The following RHBDF2 variants were observed in gnomAD, a reference collection of about 807,000 sequenced individuals.
RHBDF2 encodes rhomboid 5 homolog 2.
A neutral mutation model predicts 95.2 loss-of-function variants in RHBDF2; 38 were observed. The observed-to-expected ratio is 0.40, with a 90% CI of 0.31 to 0.52. The LOEUF (loss-of-function observed/expected upper bound fraction) is 0.52. Ranked by LOEUF, RHBDF2 falls within the 20% of genes least tolerant of loss-of-function variation. RHBDF2 has a pLI of 0.56. For synonymous variants in RHBDF2, 442 were observed against 462.0 expected, an observed-to-expected ratio of 0.96 and a Z score of 0.55; for missense variants, 863 against 1,137.7, an observed-to-expected ratio of 0.76 and a Z score of 3.47.
chr17:76,471,629 G>A lies in RHBDF2; in HGVS notation c.*4C>T. On this transcript the variant is annotated 3_prime_UTR_variant, in exon 19 of 19. Transcript: ENST00000675367. ...GGCTGAGGGGCAGCCGTGTGGCCCA[G>A]CGGTCAGTGCAGCACCTGGTCCAGC... The A allele has an allele frequency of 6.3e-7, 1 of 1,581,452 alleles. No homozygotes were observed.
chr17:76,472,604 T>C (rs747688591), intron 18 of RHBDF2, 82 bp downstream of exon 18: 90 of 1,573,780 alleles, frequency 5.7e-5, no homozygotes, highest in South Asian at 1.8e-4. Flanking sequence ...CGTGTCCCTC[T>C]GGCAGATCCC....
intron 12 of RHBDF2, 93 bp from the exon 13 acceptor site, chr17:76,474,235 G>A: frequency 7.5e-7 from 1 of 1,338,532 alleles, no homozygotes; most frequent in Non-Finnish European, 1.0e-6. Context: ...TCTCCCCAGG[G>A]CTCAGTCTCA....
At chr17:76,496,543 T>C (rs548522715) in intron 1 of RHBDF2, among the ~76,000 whole-genome samples, 1 of 152,286 alleles carries the variant, frequency 6.6e-6, no homozygotes, top group African/African-American at 2.4e-5. Context: ...CTTTGATTCA[T>C]GAAGAAGGGA....
At chr17:76,489,558 C>T (rs531350228) in intron 1 of RHBDF2, among the ~76,000 whole-genome samples, 39 of 152,286 alleles carry the variant, frequency 2.6e-4, no homozygotes, top group African/African-American at 8.4e-4. Flanking sequence ...CCCCTGACCT[C>T]GTGATCCGCC....
In RHBDF2 at chr17:76,501,392, G is replaced by T. The variant is rs368582467; in HGVS notation, c.-259C>A. 2.6e-5 allele frequency: 4 copies of T among 152,404 alleles called. No homozygotes were observed. Among genetic ancestry groups the T allele is most frequent in the South Asian group, 4.0e-4 (2 of 4,960 alleles). The allele number at this position is 152,404 out of a possible 1,614,324, so 9.4% of individuals were successfully genotyped here. A position where few individuals can be genotyped will look rare whatever the true frequency, so the allele number is the denominator to read the frequency against. On this transcript the variant is annotated 5_prime_UTR_variant, in exon 1 of 19. Transcript: ENST00000675367. The stretch of plus-strand genomic sequence containing the variant: ...AAGTCCCCGGGACGCAACTCCGTGC[G>T]GCGCCTGCGAGCGGCTGGGCGGTGG...
chr17:76,477,331 G>A lies in RHBDF2; in HGVS notation c.802-33C>T, dbSNP rs761692898. ...GGGGGACAAGAAAATACAGTGTAAG[G>A]AGTCTGTCCCAAACACTGCCCCCCG... On this transcript the variant is annotated intron_variant, in intron 7 of 18. Coordinates refer to ENST00000675367, the MANE Select transcript of RHBDF2 (RefSeq NM_001005498.4). 5.0e-6 allele frequency: 8 copies of A among 1,604,386 alleles called. No homozygotes were observed. The East Asian group carries it at 1.6e-4, about 31-fold the overall frequency.
chr17:76,474,027 C>T lies in RHBDF2; in HGVS notation c.1574+6G>A. 2 of 1,609,046 alleles carry T rather than the reference C, an allele frequency of 1.2e-6. No individual in the cohort carries two copies. The highest frequency in any genetic ancestry group is 1.7e-6 in the Non-Finnish European group (2 of 1,176,034). ...CCTGAGGCCCAGCAGAGGCTCCAGG[C>T]CCTACCTGGGGTCCTGGTGGCAGAC... On this transcript the variant is annotated splice_donor_region_variant and intron_variant, in intron 13 of 18. Coordinates refer to ENST00000675367, the MANE Select transcript of RHBDF2 (RefSeq NM_001005498.4).
intron 1 of RHBDF2, among the ~76,000 whole-genome samples, chr17:76,497,195 G>A (rs191094495): frequency 6.4e-4 from 98 of 152,172 alleles, no homozygotes; most frequent in African/African-American, 2.3e-3. Flanking sequence ...GCGGCCACAC[G>A]GGGGAGGCAG....
Position 76,477,562 on chromosome 17 carries a change from C to T in RHBDF2, c.801+95G>A, listed in dbSNP as rs1392797730. 6.5e-6 allele frequency: 9 copies of T among 1,395,316 alleles called. No individual in the cohort carries two copies. In the African/African-American group the frequency reaches 1.3e-4, roughly 20 times the overall value. The allele number at this position is 1,395,316 out of a possible 1,614,324, so 86.4% of individuals were successfully genotyped here. ...ATCCCAGCAGTGGGCCTCTGGGTCC[C>T]TCAGGGGTTCCTGAATATGATCAAT... On this transcript the variant is annotated intron_variant, in intron 7 of 18. Transcript: ENST00000675367.
rs554648054 is a variant in RHBDF2, at chr17:76,480,959, G to A, written c.150+416C>T. 2.6e-4 allele frequency among the ~76,000 whole-genome samples: 39 copies of A among 152,270 alleles called. 2 individuals are homozygous for A. In the South Asian group the frequency reaches 5.4e-3, roughly 21 times the overall value. ...CTGTCAGAAACACTGATCTGTTCTCGTCCTCCCAAAGGAAGCGGACACTGC... is the reference window on the plus strand; with the variant it reads ...CTGTCAGAAACACTGATCTGTTCTCATCCTCCCAAAGGAAGCGGACACTGC... On this transcript the variant is annotated intron_variant, in intron 3 of 18. Transcript: ENST00000675367.
chr17:76,485,864 G>A (rs1198572922), intron 2 of RHBDF2, among the ~76,000 whole-genome samples: 2 of 152,264 alleles, frequency 1.3e-5, no homozygotes, highest in African/African-American at 4.8e-5. Context: ...AGCCAGTCAC[G>A]ATGGCCACCT....
chr17:76,478,059 T>C (rs1017863970), intron 6 of RHBDF2, among the ~76,000 whole-genome samples: 1 of 152,194 alleles, frequency 6.6e-6, no homozygotes, highest in Non-Finnish European at 1.5e-5. Context: ...CCCTCTGCCT[T>C]GGGCTGCTGG....
chr17:76,476,994 C>G lies in RHBDF2; in HGVS notation c.951G>C (p.Gly317=), dbSNP rs1259576304. The part of the protein sequence containing the change: ...LKEYGRAPVP[G]PRRGKRIASK... ...AGGCGATGCGCTTGCCGCGCCGGGG[C>G]CCGGGGACTGGGGCTCGGCCATACT... The change falls in exon 9 of 19, where the codon GGG becomes GGC. Residue 317 remains glycine (G), a synonymous_variant. Coordinates refer to ENST00000675367, the MANE Select transcript of RHBDF2 (RefSeq NM_001005498.4). 6.2e-7 allele frequency: 1 copy of G among 1,613,824 alleles called. No homozygotes were observed. Among genetic ancestry groups the G allele is most frequent in the Non-Finnish European group, 8.5e-7 (1 of 1,180,014 alleles).
At chr17:76,473,348 G>A in intron 15 of RHBDF2, 21 bp from the exon 16 acceptor site, 3 of 1,601,284 alleles carry the variant, frequency 1.9e-6, no homozygotes, top group Middle Eastern at 1.7e-4. Flanking sequence ...GGTGAGGCAA[G>A]AGGGGACATC....
intron 9 of RHBDF2, 120 bp downstream of exon 9, chr17:76,476,710 C>A (rs2073782288): frequency 5.0e-6 from 7 of 1,413,632 alleles, no homozygotes; most frequent in Non-Finnish European, 6.5e-6. Context: ...TCACTACACT[C>A]CTGATCCGCA....
Position 76,472,028 on chromosome 17 carries a change from C to T in RHBDF2, c.2089G>A (p.Gly697Ser), listed in dbSNP as rs1439668511. The T allele has an allele frequency of 5.7e-6, 9 of 1,569,978 alleles. No homozygotes were observed. The highest frequency in any genetic ancestry group is 3.5e-5 in the South Asian group (3 of 85,828). ...TCCACGAAGAGGCAGGCGAGGAGGC[C>T]GAACTGTGAGCCGGCCGGGCCCACC... is the stretch of plus-strand genomic sequence containing the variant. ...AEVGPAGSQF[G>S]LLACLFVELF... is the part of the protein sequence containing the mutation. Residue 697 changes from glycine to serine, a missense_variant, in exon 19 of 19, where the codon GGC (glycine) becomes AGC (serine). Gly to Ser is a moderately conservative substitution (Grantham distance 56, BLOSUM62 0). Around this residue, in one of 2 missense-constraint regions of RHBDF2, gnomAD observed 252 missense variants for 412.2 expected, o/e 0.61. Coordinates refer to ENST00000675367, the MANE Select transcript of RHBDF2 (RefSeq NM_001005498.4).
At chr17:76,494,895 A>G (rs1028107860) in intron 1 of RHBDF2, among the ~76,000 whole-genome samples, 4 of 152,182 alleles carry the variant, frequency 2.6e-5, no homozygotes, top group African/African-American at 9.7e-5. Context: ...GCTTTGGGGC[A>G]ATGAAGGGAA....
At chr17:76,500,099 G>A (rs1481139501) in intron 1 of RHBDF2, among the ~76,000 whole-genome samples, 1 of 152,180 alleles carries the variant, frequency 6.6e-6, no homozygotes, top group Non-Finnish European at 1.5e-5. Flanking sequence ...AACTGAGGTA[G>A]TTTCCCCAGT....
Position 76,471,651 on chromosome 17 carries a change from C to A in RHBDF2, c.2466G>T (p.Leu822=). Residue 822 remains leucine, a synonymous_variant, in exon 19 of 19, where the codon CTG becomes CTT. Transcript: ENST00000675367. The part of the protein sequence containing the change: ...FTSRFCEKYE[L]DQVLH ...CCAGCGGTCAGTGCAGCACCTGGTC[C>A]AGCTCATACTTCTCGCAGAAGCGGC... 6.2e-7 allele frequency: 1 copy of A among 1,604,710 alleles called. No individual in the cohort carries two copies. Among genetic ancestry groups the A allele is most frequent in the Non-Finnish European group, 8.5e-7 (1 of 1,175,556 alleles).
Sources: gnomAD v4.1 joint callset for allele counts (sites outside exome capture counted in the v4.1 genomes callset) on GRCh38, gnomAD v4.1.1 for gene constraint, gnomAD v4.1.1 regional missense constraint, MANE v1.5 for transcripts, NCBI Gene and HGNC (gene_info 2026-07-23, HGNC 2026-07-21) for gene names.